The following ADAMTS20 variants were observed in gnomAD, a reference collection of about 807,000 sequenced individuals.
The protein encoded by ADAMTS20 is ADAM metallopeptidase with thrombospondin type 1 motif 20.
ADAMTS20 carries 225 observed loss-of-function variants against 260.1 expected under a neutral mutation model. The ratio of observed to expected loss-of-function variants is 0.87; its 90% CI spans 0.78 to 0.97. ADAMTS20 has a LOEUF of 0.97. Ranked by LOEUF, ADAMTS20 falls within the 50% of genes least tolerant of loss-of-function variation. The probability of loss-of-function intolerance (pLI) is 0.00; values close to 1 mark genes in which losing one functional copy is unlikely to be tolerated. For synonymous variants in ADAMTS20, 802 were observed against 769.5 expected (o/e 1.04, Z -0.70); for missense variants, 2,400 against 2,337.7 (o/e 1.03, Z -0.55).
chr12:43,369,690 T>C (rs1940064907), intron 36 of ADAMTS20, among the ~76,000 whole-genome samples: 1 of 151,926 alleles, frequency 6.6e-6, no homozygotes, highest in South Asian at 2.1e-4. Context: ...ATATCTGAAA[T>C]AGGTAAAGTG....
In ADAMTS20 at chr12:43,376,150, TA is replaced by T. The variant is rs774551360; in HGVS notation, c.5221-3del. 3 of 1,591,834 alleles carry T rather than the reference TA, an allele frequency of 1.9e-6. No individual in the cohort carries two copies. On this transcript the variant is annotated splice_polypyrimidine_tract_variant and splice_region_variant and intron_variant, in intron 34 of 38. Coordinates refer to ENST00000389420, the MANE Select transcript of ADAMTS20 (RefSeq NM_025003.5). ...CAAGTACATGTCTGCACAATAAATC[TA>T]AAGAAAAAATGTAAACATCTAGAAA...
chr12:43,524,066 C>T (rs1042918342), intron 3 of ADAMTS20, among the ~76,000 whole-genome samples: 1 of 149,046 alleles, frequency 6.7e-6, no homozygotes, highest in African/African-American at 2.5e-5. Flanking sequence ...CAGTCCATTA[C>T]GGCATCTCCA....
chr12:43,501,461 ACGCGCGCG>A (rs3036316), intron 4 of ADAMTS20, among the ~76,000 whole-genome samples: 2,514 of 131,210 alleles, frequency 0.019, 62 homozygotes, highest in African/African-American at 0.058. Flanking sequence ...GGAGGGGGAT[ACGCGCGCG>A]CGCGCGCGCG....
Position 43,432,774 on chromosome 12 carries a change from A to G in ADAMTS20, c.2758T>C (p.Cys920Arg). ...VIGKSECSSQ[C>R]GQGYRTLDIH... ...TCCAAGGTTCTATATCCTTGACCAC[A>G]TTGGGATGAACATTCACTTTTGCCA... The change falls in exon 20 of 39, where the codon TGT (cysteine) becomes CGT (arginine). Residue 920 changes from cysteine to arginine, a missense_variant. Physicochemically the swap from Cys to Arg is radical, Grantham distance 180 (BLOSUM62 -3). Transcript: ENST00000389420. The G allele has an allele frequency of 6.2e-7, 1 of 1,613,996 alleles. No homozygotes were observed. The highest frequency in any genetic ancestry group is 8.5e-7 in the Non-Finnish European group (1 of 1,179,870).
At chr12:43,501,055 CTTTTTTTTT>C (rs79075751) in intron 4 of ADAMTS20, among the ~76,000 whole-genome samples, 3 of 104,880 alleles carry the variant, frequency 2.9e-5, no homozygotes, top group African/African-American at 1.0e-4. Flanking sequence ...CTATGTAATT[CTTTTTTTTT>C]TTTTTTTTTT....
At chr12:43,384,053 T>C in intron 29 of ADAMTS20, 76 bp from the exon 30 acceptor site, 1 of 1,311,254 alleles carries the variant, frequency 7.6e-7, no homozygotes, top group Non-Finnish European at 1.0e-6. Flanking sequence ...ATGGAGCCAT[T>C]ACATATTATT....
chr12:43,532,262 C>A, intron 2 of ADAMTS20, 67 bp from the exon 3 acceptor site: 1 of 1,421,828 alleles, frequency 7.0e-7, no homozygotes, highest in Non-Finnish European at 9.5e-7. Flanking sequence ...CACATAGTAC[C>A]ACAGGTTAAA....
chr12:43,495,320 G>A (rs1263942163), intron 4 of ADAMTS20, among the ~76,000 whole-genome samples: 3 of 152,096 alleles, frequency 2.0e-5, no homozygotes, highest in African/African-American at 7.2e-5. Context: ...ATAAAACATA[G>A]TTATTTAAGG....
chr12:43,383,966 G>T lies in ADAMTS20; in HGVS notation c.4464C>A (p.Thr1488=). ...KANSWNECSV[T]CGSGVQQRDV... is the part of the protein sequence containing the mutation. ...CCCTCTGCTGAACTCCAGAGCCACA[G>T]GTCACAGAGCACTACAAAGGAGTCC... Residue 1488 remains threonine (T), a synonymous_variant, in exon 30 of 39, where the codon ACC becomes ACA. Coordinates refer to ENST00000389420, the MANE Select transcript of ADAMTS20 (RefSeq NM_025003.5). The T allele has an allele frequency of 6.2e-7, 1 of 1,613,532 alleles. No homozygotes were observed. Among genetic ancestry groups the T allele is most frequent in the Non-Finnish European group, 8.5e-7 (1 of 1,179,720 alleles).
intron 7 of ADAMTS20, among the ~76,000 whole-genome samples, chr12:43,469,163 T>C (rs754373234): frequency 6.6e-6 from 1 of 152,124 alleles, no homozygotes; most frequent in Non-Finnish European, 1.5e-5. Context: ...TATACAAATA[T>C]TCAATTATCA....
intron 12 of ADAMTS20, among the ~76,000 whole-genome samples, chr12:43,453,668 C>CA (rs1182131112): frequency 1.3e-5 from 2 of 149,496 alleles, no homozygotes; most frequent in East Asian, 3.9e-4. Flanking sequence ...AATTAAAAAA[C>CA]AAAAAAATGA....
intron 28 of ADAMTS20, among the ~76,000 whole-genome samples, chr12:43,420,784 T>TC (rs1941212432): frequency 3.1e-5 from 4 of 130,760 alleles, no homozygotes; most frequent in South Asian, 2.6e-4. Context: ...TTCTTCTTCT[T>TC]CTCCTCCTCC....
Position 43,468,638 on chromosome 12 carries a change from G to T in ADAMTS20, c.1185C>A (p.Leu395=). ...QSCFINEEKG[L]ISAFTIAHEL... is the part of the protein sequence containing the mutation. ...CATGGGCTATAGTAAAAGCAGAAAT[G>T]AGTCCTTTTTCTTCATTAATAAAGC... The change falls in exon 8 of 39, where the codon CTC becomes CTA. Residue 395 remains leucine (L), a synonymous_variant. Transcript: ENST00000389420. The T allele has an allele frequency of 6.2e-7, 1 of 1,611,190 alleles. No homozygotes were observed. The highest frequency in any genetic ancestry group is 8.5e-7 in the Non-Finnish European group (1 of 1,178,574).
chr12:43,482,844 C>T (rs1429742002), intron 7 of ADAMTS20, among the ~76,000 whole-genome samples: 1 of 152,138 alleles, frequency 6.6e-6, no homozygotes, highest in Non-Finnish European at 1.5e-5. Context: ...AGCACCATCT[C>T]CTGGCTGGTG....
intron 35 of ADAMTS20, among the ~76,000 whole-genome samples, 179 bp from the exon 36 acceptor site, chr12:43,375,691 T>C (rs1487765728): frequency 6.6e-6 from 1 of 152,218 alleles, no homozygotes; most frequent in African/African-American, 2.4e-5. Flanking sequence ...CAATGAAACA[T>C]CTAAGAAGAG....
At chr12:43,399,708 GAA>G (rs1205789867) in intron 28 of ADAMTS20, among the ~76,000 whole-genome samples, 1 of 152,114 alleles carries the variant, frequency 6.6e-6, no homozygotes, top group African/African-American at 2.4e-5. Flanking sequence ...TGAGAAAGCA[GAA>G]AGTTTATTTT....
intron 3 of ADAMTS20, among the ~76,000 whole-genome samples, chr12:43,508,439 T>C (rs1942875981): frequency 6.6e-6 from 1 of 151,998 alleles, no homozygotes; most frequent in Non-Finnish European, 1.5e-5. Context: ...ACTAAACAGA[T>C]CATTTACCAT....
At chr12:43,381,780 C>CAAAAAAAAAA (rs765135656) in intron 31 of ADAMTS20, among the ~76,000 whole-genome samples, 1 of 34,528 alleles carries the variant, frequency 2.9e-5, no homozygotes, top group Admixed American at 4.0e-4. Flanking sequence ...GACTGCATCT[C>CAAAAAAAAAA]AAAAAAAAAA....
intron 16 of ADAMTS20, 146 bp downstream of exon 16, chr12:43,443,645 T>C (rs1469013463): frequency 5.5e-6 from 3 of 549,456 alleles, no homozygotes; most frequent in African/African-American, 1.9e-5. Context: ...TAAGAACATA[T>C]GTATAGGGAG....
Sources: gnomAD v4.1 joint callset for allele counts (sites outside exome capture counted in the v4.1 genomes callset) on GRCh38, gnomAD v4.1.1 for gene constraint, MANE v1.5 for transcripts, NCBI Gene and HGNC (gene_info 2026-07-23, HGNC 2026-07-21) for gene names.